The following ARHGEF7 variants were observed in gnomAD, a reference collection of about 807,000 sequenced individuals.
ARHGEF7 encodes Rho guanine nucleotide exchange factor 7, also known as PAK-interacting exchange factor beta.
Under a neutral mutation model 109.8 loss-of-function variants are expected in ARHGEF7, and 33 were observed. The observed-to-expected ratio is 0.30, with a 90% CI of 0.23 to 0.40. The LOEUF is 0.40. Ranked by LOEUF, ARHGEF7 falls within the 10% of genes least tolerant of loss-of-function variation. ARHGEF7 has a pLI of 1.00. For synonymous variants in ARHGEF7, 458 were observed against 424.6 expected (o/e 1.08, Z -0.97); for missense variants, 938 against 1,098.5 (o/e 0.85, Z 2.07).
chr13:111,201,784 C>T (rs2081237933), intron 2 of ARHGEF7, among the ~76,000 whole-genome samples: 1 of 152,132 alleles, frequency 6.6e-6, no homozygotes, highest in Non-Finnish European at 1.5e-5. Context: ...AGTCTCAGCC[C>T]TCTTCCTTCT....
chr13:111,184,379 G>T (rs996119707), intron 2 of ARHGEF7, among the ~76,000 whole-genome samples: 1 of 152,214 alleles, frequency 6.6e-6, no homozygotes, highest in African/African-American at 2.4e-5. Flanking sequence ...CTACTAGGCT[G>T]CCCTGTCCTG....
intron 2 of ARHGEF7, among the ~76,000 whole-genome samples, chr13:111,156,741 T>G (rs1407676104): frequency 6.6e-6 from 1 of 152,234 alleles, no homozygotes; most frequent in Non-Finnish European, 1.5e-5. Context: ...TGAAATATGT[T>G]GTGGGATTTA....
intron 2 of ARHGEF7, chr13:111,186,714 A>G (rs1369087959): frequency 4.6e-6 from 3 of 647,252 alleles, no homozygotes; most frequent in African/African-American, 2.0e-5. Flanking sequence ...AAAAATAACA[A>G]TTTCTTGTGT....
intron 2 of ARHGEF7, among the ~76,000 whole-genome samples, chr13:111,201,424 T>G (rs1431810818): frequency 2.0e-5 from 3 of 152,226 alleles, no homozygotes; most frequent in Non-Finnish European, 4.4e-5. Flanking sequence ...TCTATGAGAA[T>G]AGAGTTGAGA....
chr13:111,210,044 G>C (rs2082308324), intron 4 of ARHGEF7, 42 bp downstream of exon 4: 1 of 1,612,754 alleles, frequency 6.2e-7, no homozygotes, highest in South Asian at 1.1e-5. Flanking sequence ...GTTTGGGAAG[G>C]ATATGAGTGT....
At chr13:111,283,595 G>A (rs1384031107) in intron 16 of ARHGEF7, among the ~76,000 whole-genome samples, 4 of 152,238 alleles carry the variant, frequency 2.6e-5, no homozygotes, top group African/African-American at 9.6e-5. Flanking sequence ...GCCATGCACA[G>A]GGGGGCCTTT....
intron 1 of ARHGEF7, among the ~76,000 whole-genome samples, chr13:111,122,004 A>G (rs1211670428): frequency 1.3e-5 from 2 of 152,238 alleles, no homozygotes; most frequent in Non-Finnish European, 2.9e-5. Flanking sequence ...GAAGACTGTA[A>G]GCCAAGATTT....
intron 2 of ARHGEF7, among the ~76,000 whole-genome samples, chr13:111,195,849 T>G (rs563812916): frequency 1.3e-5 from 2 of 152,348 alleles, no homozygotes; most frequent in South Asian, 4.1e-4. Flanking sequence ...AAGGTTTGTC[T>G]GTCTGAGGGC....
chr13:111,269,434 C>T (rs757994189), intron 9 of ARHGEF7, among the ~76,000 whole-genome samples: 7 of 152,178 alleles, frequency 4.6e-5, no homozygotes, highest in East Asian at 3.8e-4. Flanking sequence ...GCAGTGCTTG[C>T]GGGCGTGTGC....
At chr13:111,301,049 A>G (rs1435553685) in intron 20 of ARHGEF7, among the ~76,000 whole-genome samples, 1 of 152,038 alleles carries the variant, frequency 6.6e-6, no homozygotes, top group Non-Finnish European at 1.5e-5. Flanking sequence ...TCCGGGTTCA[A>G]GCGGTTCTCC....
chr13:111,156,344 A>C (rs935815030), intron 2 of ARHGEF7, among the ~76,000 whole-genome samples: 2 of 152,218 alleles, frequency 1.3e-5, no homozygotes, highest in Non-Finnish European at 2.9e-5. Context: ...ATTTTAAAGT[A>C]AAAAATTAGT....
chr13:111,268,611 T>C (rs1246114818), intron 9 of ARHGEF7, among the ~76,000 whole-genome samples: 1 of 152,158 alleles, frequency 6.6e-6, no homozygotes, highest in Non-Finnish European at 1.5e-5. Flanking sequence ...TGGCGCTGCG[T>C]GGGTGTCCTA....
At chr13:111,121,101 A>T (rs2067169886) in intron 1 of ARHGEF7, among the ~76,000 whole-genome samples, 1 of 152,152 alleles carries the variant, frequency 6.6e-6, no homozygotes. Flanking sequence ...ACAGGGGCAG[A>T]GTGGGAGCCC....
rs1325260148 is a variant in ARHGEF7, at chr13:111,228,090, C to T, written c.671-5115C>T. Among the ~76,000 whole-genome samples the T allele has an allele frequency of 1.3e-5, 2 of 152,138 alleles. No homozygotes were observed. Among genetic ancestry groups the T allele is most frequent in the African/African-American group, 4.8e-5 (2 of 41,432 alleles). On this transcript the variant is annotated intron_variant, in intron 5 of 21. Coordinates refer to ENST00000646102, the MANE Select transcript of ARHGEF7 (RefSeq NM_001354046.2). This position sits in a 1 kb window ranked among gnomAD's most constrained non-coding sequence, Gnocchi z 4.6. ...TGAAGCACATCTGAGGTGTCCTGCA[C>T]GGCACATGAGGTAAGCGTGCAGGTC...
At chr13:111,280,909 C>T (rs1053863771) in intron 15 of ARHGEF7, 3 of 380,704 alleles carry the variant, frequency 7.9e-6, no homozygotes, top group Non-Finnish European at 1.4e-5. Context: ...ACGCACAGTT[C>T]AGAGGTGCTT....
chr13:111,206,219 G>A (rs969960528), intron 3 of ARHGEF7, among the ~76,000 whole-genome samples: 10 of 151,340 alleles, frequency 6.6e-5, no homozygotes, highest in Middle Eastern at 6.8e-3. Flanking sequence ...TCTCAGCTTC[G>A]TCTGGCCCTT....
intron 2 of ARHGEF7, among the ~76,000 whole-genome samples, chr13:111,154,642 A>C (rs2076161850): frequency 6.6e-6 from 1 of 152,174 alleles, no homozygotes; most frequent in South Asian, 2.1e-4. Flanking sequence ...CCTGTTGTAA[A>C]ATGTTGTGTC....
intron 1 of ARHGEF7, among the ~76,000 whole-genome samples, chr13:111,152,348 T>C (rs1277970113): frequency 6.6e-6 from 1 of 152,176 alleles, no homozygotes; most frequent in Non-Finnish European, 1.5e-5. Flanking sequence ...TTTAAAACTA[T>C]GAAGAAAAAA....
At chr13:111,155,597 A>T (rs1367847074) in intron 2 of ARHGEF7, among the ~76,000 whole-genome samples, 1 of 152,134 alleles carries the variant, frequency 6.6e-6, no homozygotes, top group African/African-American at 2.4e-5. Flanking sequence ...CAGCTGCCTT[A>T]TTGGCTGTGA....
Sources: allele counts gnomAD v4.1 joint callset (sites outside exome capture counted in the v4.1 genomes callset), GRCh38; gene constraint gnomAD v4.1.1; non-coding constraint Gnocchi (gnomAD v3.1); transcripts MANE v1.5; gene names NCBI Gene and HGNC (gene_info 2026-07-23, HGNC 2026-07-21).